OR2T6: variants seen among roughly 807,000 people sequenced by gnomAD.
The protein encoded by OR2T6 is olfactory receptor family 2 subfamily T member 6.
For missense variants in OR2T6, 424 were observed against 391.6 expected, an observed-to-expected ratio of 1.08 and a Z score of -0.70; for synonymous variants, 174 against 148.0, an observed-to-expected ratio of 1.18 and a Z score of -1.27.
intron 1 of OR2T6, among the ~76,000 whole-genome samples, chr1:248,378,917 A>T (rs1660986432): frequency 6.6e-6 from 1 of 152,172 alleles, no homozygotes; most frequent in African/African-American, 2.4e-5. Context: ...TCATGTCTGT[A>T]ATCCCAATAC....
chr1:248,378,073 A>T (rs1291005117), intron 1 of OR2T6, among the ~76,000 whole-genome samples: 2 of 152,174 alleles, frequency 1.3e-5, no homozygotes, highest in Non-Finnish European at 2.9e-5. Flanking sequence ...TATTTTCACA[A>T]TCAATGGCAA....
At chr1:248,379,691 T>C (rs1481765245) in intron 1 of OR2T6, among the ~76,000 whole-genome samples, 1 of 151,600 alleles carries the variant, frequency 6.6e-6, no homozygotes, top group Non-Finnish European at 1.5e-5. Context: ...TATATATTTA[T>C]AAAATAAATG....
chr1:248,379,202 T>C (rs1660991958), intron 1 of OR2T6, among the ~76,000 whole-genome samples: 1 of 152,074 alleles, frequency 6.6e-6, no homozygotes. Context: ...GAAAAAGAAA[T>C]ATTTTTGTTG....
At chr1:248,380,082 ATGTG>A (rs1661005683) in intron 1 of OR2T6, among the ~76,000 whole-genome samples, 1 of 151,848 alleles carries the variant, frequency 6.6e-6, no homozygotes, top group Admixed American at 6.6e-5. Flanking sequence ...TTTTAACTGT[ATGTG>A]TGTATGTATT....
chr1:248,386,287 C>T (rs1661135294), intron 2 of OR2T6, among the ~76,000 whole-genome samples: 1 of 152,168 alleles, frequency 6.6e-6, no homozygotes, highest in Non-Finnish European at 1.5e-5. Context: ...CCACCCATAG[C>T]TATCTAAGAT....
In OR2T6 at chr1:248,388,830, T is replaced by C. The variant is rs920678992; in HGVS notation, c.*295T>C. The C allele has an allele frequency of 2.7e-6, 1 of 374,986 alleles. No individual in the cohort carries two copies. The highest frequency in any genetic ancestry group is 4.8e-6 in the Non-Finnish European group (1 of 210,084). The allele number at this position is 374,986 out of a possible 1,614,324, so 23.2% of individuals were successfully genotyped here. On this transcript the variant is annotated 3_prime_UTR_variant, in exon 3 of 3. Coordinates refer to ENST00000641644, the MANE Select transcript of OR2T6 (RefSeq NM_001005471.2). ...CTTCTCTGATTGCAGTTTGTGTATA[T>C]GAATGCCCCAAAATGTTGAGTTAAT...
At chr1:248,381,076 T>G (rs1174307352) in intron 1 of OR2T6, among the ~76,000 whole-genome samples, 3 of 152,050 alleles carry the variant, frequency 2.0e-5, no homozygotes, top group African/African-American at 7.2e-5. Context: ...TCTATCTCAT[T>G]TCATCATATG....
At chr1:248,380,019 A>T (rs879468677) in intron 1 of OR2T6, among the ~76,000 whole-genome samples, 1 of 151,782 alleles carries the variant, frequency 6.6e-6, no homozygotes, top group Non-Finnish European at 1.5e-5. Context: ...CCCCCCACCT[A>T]TATGTGTGTG....
At chr1:248,387,563 A>T in intron 2 of OR2T6, 42 bp from the exon 3 acceptor site, 1 of 1,178,324 alleles carries the variant, frequency 8.5e-7, no homozygotes, top group Non-Finnish European at 1.2e-6. Context: ...TGTCATTTTC[A>T]TTGACCCTGC....
rs867942478 is a variant in OR2T6 at position 248,388,022 on chromosome 1, G to A, written c.414G>A (p.Trp138Ter). ...TGCGCTATCCTGTCCTCATCAGCTG[G>A]CGGGTCTGCTGGATGATCCTGGCCA... is the stretch of plus-strand genomic sequence containing the variant. Reference protein sequence around the residue: ...NPLRYPVLISWRVCWMILASS... With the variant: ...NPLRYPVLIS The change falls in exon 3 of 3, where the codon TGG becomes TGA. Residue 138 changes from tryptophan (W) to a stop codon, truncating the protein, a stop_gained. Transcript: ENST00000641644. LOFTEE classifies it low-confidence loss of function (END_TRUNC). 6.2e-7 allele frequency: 1 copy of A among 1,613,520 alleles called. No individual in the cohort carries two copies. Among genetic ancestry groups the A allele is most frequent in the South Asian group, 1.1e-5 (1 of 91,012 alleles).
chr1:248,388,294 C>T lies in OR2T6; in HGVS notation c.686C>T (p.Thr229Ile). The T allele has an allele frequency of 2.5e-6, 4 of 1,613,926 alleles. No individual in the cohort carries two copies. The highest frequency in any genetic ancestry group is 1.3e-5 in the African/African-American group (1 of 75,006). Reference sequence around the variant, plus strand: ...ATTCTCATCACAGTGCATCAGATGACATCGGCTGAAGGGAGGAAGAAGGCC... The same window carrying T: ...ATTCTCATCACAGTGCATCAGATGATATCGGCTGAAGGGAGGAAGAAGGCC... ...TRILITVHQM[T>I]SAEGRKKAFA... Residue 229 changes from threonine (T) to isoleucine (I), a missense_variant, in exon 3 of 3, where the codon ACA becomes ATA. Coordinates refer to ENST00000641644, the MANE Select transcript of OR2T6 (RefSeq NM_001005471.2).
chr1:248,379,330 C>T (rs1018304306), intron 1 of OR2T6, among the ~76,000 whole-genome samples: 2 of 152,168 alleles, frequency 1.3e-5, no homozygotes, highest in African/African-American at 4.8e-5. Context: ...CCTGGGTCTA[C>T]AGTAACCAGA....
intron 1 of OR2T6, among the ~76,000 whole-genome samples, chr1:248,380,434 A>C (rs1347450533): frequency 2.6e-5 from 4 of 152,072 alleles, no homozygotes; most frequent in Non-Finnish European, 5.9e-5. Context: ...AATCAACTTT[A>C]AATATTCAGT....
rs1167789084 is a variant in OR2T6, at chr1:248,388,455, C to T, written c.847C>T (p.Pro283Ser). 2 of 1,612,150 alleles carry T rather than the reference C, an allele frequency of 1.2e-6. No homozygotes were observed. Among genetic ancestry groups the T allele is most frequent in the African/African-American group, 2.7e-5 (2 of 74,978 alleles). Residue 283 changes from proline to serine, a missense_variant, in exon 3 of 3, where the codon CCC becomes TCC. Coordinates refer to ENST00000641644, the MANE Select transcript of OR2T6 (RefSeq NM_001005471.2). ...CTCTGCCTTTTATACCATCCTCACA[C>T]CCTTATTAAACCCTCTCATCTACAG... ...VFSAFYTILTPLLNPLIYSLR... is the reference protein window; with the variant it reads ...VFSAFYTILTSLLNPLIYSLR...
rs1168957404 is a variant in OR2T6, at chr1:248,390,037, G to A, written c.*1502G>A. 3 of 152,148 alleles carry A rather than the reference G, an allele frequency of 2.0e-5. No homozygotes were observed. Among genetic ancestry groups the A allele is most frequent in the Non-Finnish European group, 2.9e-5 (2 of 68,028 alleles). The allele number at this position is 152,148 out of a possible 1,614,324, so 9.4% of individuals were successfully genotyped here. On this transcript the variant is annotated 3_prime_UTR_variant, in exon 3 of 3. Coordinates refer to ENST00000641644, the MANE Select transcript of OR2T6 (RefSeq NM_001005471.2). ...AGCTGCTGAAGGCCTGCTCTTTTAC[G>A]GTTACAGAGTCCTCCCATGAGAACT...
At position 248,385,902 on chromosome 1, in the gene OR2T6, G is replaced by A. The variant is rs558899529; in HGVS notation, c.-5+1038G>A. ...TGGTCCTTTGCATATGTTACATGAC[G>A]TTTGATCATGACAACATCCCGTAAG... is the stretch of plus-strand genomic sequence containing the variant. On this transcript the variant is annotated intron_variant, in intron 2 of 2. Coordinates refer to ENST00000641644, the MANE Select transcript of OR2T6 (RefSeq NM_001005471.2). 9.8e-5 allele frequency among the ~76,000 whole-genome samples: 15 copies of A among 152,298 alleles called. No homozygotes were observed. In the South Asian group the frequency reaches 1.7e-3, roughly 17 times the overall value.
At chr1:248,376,529 T>C in intron 1 of OR2T6, among the ~76,000 whole-genome samples, 1 of 152,218 alleles carries the variant, frequency 6.6e-6, no homozygotes, top group East Asian at 1.9e-4. Context: ...GTGGAACTTT[T>C]ACAATTAAAT....
Position 248,387,693 on chromosome 1 carries a change from G to A in OR2T6, c.85G>A (p.Gly29Ser), listed in dbSNP as rs548202553. The change falls in exon 3 of 3, where the codon GGT (glycine) becomes AGT (serine). Residue 29 changes from glycine to serine, a missense_variant. Gly to Ser is a moderately conservative substitution (Grantham distance 56, BLOSUM62 0). Transcript: ENST00000641644. ...THNKCSGFFFGVICAVFFMAM... is the reference protein window; with the variant it reads ...THNKCSGFFFSVICAVFFMAM... Reference sequence around the variant, plus strand: ...CAATAAATGCTCAGGATTCTTTTTCGGTGTCATTTGTGCCGTCTTCTTCAT... The same window carrying A: ...CAATAAATGCTCAGGATTCTTTTTCAGTGTCATTTGTGCCGTCTTCTTCAT... 1.1e-4 allele frequency: 183 copies of A among 1,613,436 alleles called. 4 individuals carry two copies. The South Asian group carries it at 1.5e-3, about 13-fold the overall frequency.
Position 248,387,675 on chromosome 1 carries a change from T to G in OR2T6, c.67T>G (p.Cys23Gly), listed in dbSNP as rs6587467. Residue 23 changes from cysteine to glycine, a missense_variant, in exon 3 of 3, where the codon TGC becomes GGC. Physicochemically the swap from Cys to Gly is radical, Grantham distance 159. Coordinates refer to ENST00000641644, the MANE Select transcript of OR2T6 (RefSeq NM_001005471.2). ...CATGGGGCTCTTCACTCACAATAAA[T>G]GCTCAGGATTCTTTTTCGGTGTCAT... The part of the protein sequence containing the change: ...TLMGLFTHNK[C>G]SGFFFGVICA... 1,138,422 of 1,612,264 alleles carry G rather than the reference T, an allele frequency of 0.71. 403,686 individuals are homozygous for G. Among genetic ancestry groups the G allele is most frequent in the African/African-American group, 0.86 (64,241 of 74,870 alleles).
Sources: allele counts gnomAD v4.1 joint callset (sites outside exome capture counted in the v4.1 genomes callset), GRCh38; gene constraint gnomAD v4.1.1; transcripts MANE v1.5; gene names NCBI Gene and HGNC (gene_info 2026-07-23, HGNC 2026-07-21).